Variants in L3MBTL4 observed in about 807,000 individuals in gnomAD.
The protein encoded by L3MBTL4 is L3MBTL histone methyl-lysine binding protein 4, also known as lethal(3)malignant brain tumor-like protein 4.
A neutral mutation model predicts 84.5 loss-of-function variants in L3MBTL4; 70 were observed. The ratio of observed to expected loss-of-function variants is 0.83; its 90% CI spans 0.68 to 1.01. The LOEUF (loss-of-function observed/expected upper bound fraction) is 1.01, where lower values mean the gene tolerates loss of function less well. Among genes scored for constraint, L3MBTL4 ranks in the 50% least tolerant of loss-of-function variants. L3MBTL4 has a pLI of 0.00. For missense variants in L3MBTL4, 715 were observed against 754.8 expected (o/e 0.95, Z 0.62); for synonymous variants, 274 against 259.8 (o/e 1.05, Z -0.52).
intron 9 of L3MBTL4, among the ~76,000 whole-genome samples, chr18:6,238,597 C>T (rs1470512570): frequency 6.6e-6 from 1 of 151,934 alleles, no homozygotes; most frequent in Non-Finnish European, 1.5e-5. Flanking sequence ...CAGTGATGTT[C>T]CCAAAAAAGT....
chr18:6,284,328 G>A (rs2049459442), intron 4 of L3MBTL4, among the ~76,000 whole-genome samples: 1 of 152,204 alleles, frequency 6.6e-6, no homozygotes, highest in Admixed American at 6.5e-5. Flanking sequence ...TCCTGCTGCA[G>A]AGGGAAATCC....
Position 6,205,971 on chromosome 18 carries a change from C to T in L3MBTL4, c.981+7178G>A, listed in dbSNP as rs559093802. On this transcript the variant is annotated intron_variant, in intron 12 of 18. Coordinates refer to ENST00000317931, the MANE Select transcript of L3MBTL4 (RefSeq NM_001330559.2). ...CCAAAGCTAAGACAAATTCCACAGACTCTTGTTTTCTCTGAAGGAATAGAG... is the reference window on the plus strand; with the variant it reads ...CCAAAGCTAAGACAAATTCCACAGATTCTTGTTTTCTCTGAAGGAATAGAG... Among the ~76,000 whole-genome samples, 225 of 152,308 alleles carry T rather than the reference C, an allele frequency of 1.5e-3. 2 individuals are homozygous for T. The highest frequency in any genetic ancestry group is 0.01 in the Middle Eastern group (3 of 294).
chr18:6,370,133 CAAAAAAAAAAAAA>C (rs35835409), intron 1 of L3MBTL4, among the ~76,000 whole-genome samples: 1 of 88,264 alleles, frequency 1.1e-5, no homozygotes, highest in Non-Finnish European at 2.3e-5. Context: ...GACTCGGTCT[CAAAAAAAAAAAAA>C]AAAAAAAAGA....
At chr18:6,189,617 A>C (rs750655964) in intron 12 of L3MBTL4, among the ~76,000 whole-genome samples, 5 of 152,228 alleles carry the variant, frequency 3.3e-5, no homozygotes, top group Non-Finnish European at 7.3e-5. Flanking sequence ...AACATTAATT[A>C]CTATAAATGT....
At chr18:6,276,924 A>C (rs2049104153) in intron 4 of L3MBTL4, among the ~76,000 whole-genome samples, 1 of 152,136 alleles carries the variant, frequency 6.6e-6, no homozygotes, top group Non-Finnish European at 1.5e-5. Context: ...GTCAAGTAAG[A>C]ATTATACATC....
chr18:6,056,866 G>A (rs1294299027), intron 16 of L3MBTL4, among the ~76,000 whole-genome samples: 1 of 152,086 alleles, frequency 6.6e-6, no homozygotes, highest in Non-Finnish European at 1.5e-5. Flanking sequence ...CAGTAAAACA[G>A]AAACCACAAT....
intron 15 of L3MBTL4, among the ~76,000 whole-genome samples, chr18:6,089,456 G>A (rs565395749): frequency 1.1e-3 from 175 of 152,250 alleles, no homozygotes; most frequent in African/African-American, 4.0e-3. Context: ...AGAAACAGAC[G>A]CATCATAAGG....
intron 16 of L3MBTL4, 24 bp downstream of exon 16, chr18:6,080,857 T>C (rs1450466326): frequency 7.3e-6 from 11 of 1,508,490 alleles, no homozygotes; most frequent in East Asian, 2.3e-5. Flanking sequence ...ATATTCTGTG[T>C]TTTGCTAGTG....
At position 6,237,946 on chromosome 18, in the gene L3MBTL4, C is replaced by T; in HGVS notation, c.784+18G>A. The T allele has an allele frequency of 6.2e-7, 1 of 1,609,242 alleles. No individual in the cohort carries two copies. The highest frequency in any genetic ancestry group is 1.1e-5 in the South Asian group (1 of 90,992). On this transcript the variant is annotated intron_variant, in intron 10 of 18. Transcript: ENST00000317931. ...CACACAGAGATGACTTCAAAGAAAA[C>T]CCAGGCAGTCCACTCACCTTGGGGT... is the stretch of plus-strand genomic sequence containing the variant.
intron 16 of L3MBTL4, among the ~76,000 whole-genome samples, chr18:6,049,223 T>G (rs1485479337): frequency 6.6e-6 from 1 of 152,084 alleles, no homozygotes; most frequent in Admixed American, 6.5e-5. Context: ...AAAAAGCAAT[T>G]GCAACGAAAA....
intron 15 of L3MBTL4, among the ~76,000 whole-genome samples, chr18:6,086,677 C>G (rs1231177888): frequency 1.3e-5 from 2 of 152,162 alleles, no homozygotes; most frequent in Non-Finnish European, 2.9e-5. Flanking sequence ...TGGCTGGGCC[C>G]TTTATGATAG....
intron 14 of L3MBTL4, among the ~76,000 whole-genome samples, chr18:6,116,296 G>A (rs374456212): frequency 3.3e-5 from 5 of 151,992 alleles, no homozygotes; most frequent in East Asian, 3.9e-4. Context: ...GCATGGGAAC[G>A]GGAGGACAGG....
intron 13 of L3MBTL4, among the ~76,000 whole-genome samples, chr18:6,156,702 C>G (rs150457810): frequency 1.3e-5 from 2 of 152,162 alleles, no homozygotes; most frequent in African/African-American, 2.4e-5. Flanking sequence ...ATCTGGCGAG[C>G]CTTACTGTCA....
At chr18:6,290,476 G>A (rs1323791928) in intron 4 of L3MBTL4, among the ~76,000 whole-genome samples, 1 of 151,788 alleles carries the variant, frequency 6.6e-6, no homozygotes, top group Admixed American at 6.6e-5. Flanking sequence ...TATCACTATG[G>A]CTACATGAAT....
chr18:6,368,494 C>T (rs1257182591), intron 1 of L3MBTL4, among the ~76,000 whole-genome samples: 3 of 152,134 alleles, frequency 2.0e-5, no homozygotes, highest in Non-Finnish European at 4.4e-5. Context: ...CTGCCAAGGT[C>T]CCTGCTAAGC....
At chr18:6,051,230 A>C (rs1210418665) in intron 16 of L3MBTL4, among the ~76,000 whole-genome samples, 1 of 152,212 alleles carries the variant, frequency 6.6e-6, no homozygotes, top group African/African-American at 2.4e-5. Flanking sequence ...GTCTGCATGA[A>C]TATCTCCATT....
chr18:6,071,773 GAAAGAAAGA>G (rs2057643461), intron 16 of L3MBTL4, among the ~76,000 whole-genome samples: 1 of 90,822 alleles, frequency 1.1e-5, no homozygotes, highest in Non-Finnish European at 2.4e-5. Context: ...AAGAAAGAAA[GAAAGAAAGA>G]AAGAAAGAAA....
At chr18:6,176,402 T>A (rs1441141642) in intron 12 of L3MBTL4, among the ~76,000 whole-genome samples, 1 of 152,132 alleles carries the variant, frequency 6.6e-6, no homozygotes, top group East Asian at 1.9e-4. Context: ...TTGATCCATA[T>A]ATATGCAGTC....
At chr18:6,383,602 G>A (rs888929290) in intron 1 of L3MBTL4, among the ~76,000 whole-genome samples, 19 of 152,080 alleles carry the variant, frequency 1.2e-4, no homozygotes, top group South Asian at 6.2e-4. Flanking sequence ...GTGAGGCGAC[G>A]CCCTGCCCTG....
Sources: allele counts gnomAD v4.1 joint callset (sites outside exome capture counted in the v4.1 genomes callset), GRCh38; gene constraint gnomAD v4.1.1; transcripts MANE v1.5; gene names NCBI Gene and HGNC (gene_info 2026-07-23, HGNC 2026-07-21).